Variants in ALG6 observed in about 807,000 individuals in gnomAD.
ALG6 encodes the protein ALG6 alpha-1,3-glucosyltransferase.
ALG6 carries 46 observed loss-of-function variants against 66.6 expected under a neutral mutation model. The ratio of observed to expected loss-of-function variants is 0.69; its 90% CI spans 0.55 to 0.88. ALG6 has a LOEUF of 0.88. Among genes scored for constraint, ALG6 ranks in the 40% least tolerant of loss-of-function variants. ALG6 has a pLI of 0.00. For synonymous variants in ALG6, 185 were observed against 203.7 expected, an observed-to-expected ratio of 0.91 and a Z score of 0.78; for missense variants, 505 against 586.8, an observed-to-expected ratio of 0.86 and a Z score of 1.44.
intron 3 of ALG6, among the ~76,000 whole-genome samples, chr1:63,398,700 C>T (rs956265675): frequency 6.6e-6 from 1 of 152,074 alleles, no homozygotes; most frequent in African/African-American, 2.4e-5. Flanking sequence ...TGGTCTTGAT[C>T]TCCTGACCTC....
chr1:63,429,257 A>G (rs1644633223), intron 14 of ALG6, 131 bp downstream of exon 14: 2 of 700,482 alleles, frequency 2.9e-6, no homozygotes, highest in Non-Finnish European at 4.8e-6. Context: ...AAAGTATACA[A>G]CTTAGTGGTT....
At chr1:63,400,896 A>G (rs1161144195) in intron 3 of ALG6, among the ~76,000 whole-genome samples, 1 of 152,178 alleles carries the variant, frequency 6.6e-6, no homozygotes, top group African/African-American at 2.4e-5. Flanking sequence ...TTTATGCTAT[A>G]TAGTAACATG....
chr1:63,423,387 T>G (rs995859622), intron 12 of ALG6, among the ~76,000 whole-genome samples: 11 of 152,204 alleles, frequency 7.2e-5, no homozygotes, highest in African/African-American at 2.7e-4. Context: ...AAAGTACACA[T>G]AGCATAAATG....
intron 9 of ALG6, 96 bp from the exon 10 acceptor site, chr1:63,413,965 C>A: frequency 1.1e-6 from 1 of 906,552 alleles, no homozygotes; most frequent in Non-Finnish European, 1.8e-6. Context: ...AGTTTCACAT[C>A]TCAAAAAGTT....
intron 11 of ALG6, among the ~76,000 whole-genome samples, chr1:63,418,347 A>C (rs1365625736): frequency 3.3e-5 from 5 of 149,740 alleles, no homozygotes; most frequent in Non-Finnish European, 1.5e-5. Context: ...TTAAATATTA[A>C]AATAGTATTT....
At chr1:63,394,956 C>T (rs1356822883) in intron 2 of ALG6, among the ~76,000 whole-genome samples, 2 of 151,650 alleles carry the variant, frequency 1.3e-5, no homozygotes, top group African/African-American at 2.4e-5. Flanking sequence ...ACCTCCGCCT[C>T]CTGGGTTCAA....
intron 4 of ALG6, 60 bp from the exon 5 acceptor site, chr1:63,404,393 T>A: frequency 7.6e-7 from 1 of 1,321,056 alleles, no homozygotes; most frequent in African/African-American, 1.4e-5. Context: ...TATCCTTCAA[T>A]ATCTTTATTG....
rs541786667 is a variant in ALG6, at chr1:63,381,221, G to A, written c.82+10162G>A. Among the ~76,000 whole-genome samples, 5 of 152,240 alleles carry A rather than the reference G, an allele frequency of 3.3e-5. No individual in the cohort carries two copies. In the South Asian group the frequency reaches 6.2e-4, roughly 19 times the overall value. ...TGTAATCCCAGCACTTTGGGAGGCC[G>A]AGGCAGGCGGATCATGAGGTCAGGA... is the stretch of plus-strand genomic sequence containing the variant. On this transcript the variant is annotated intron_variant, in intron 2 of 14. Transcript: ENST00000263440.
chr1:63,396,415 A>T, intron 2 of ALG6, 98 bp from the exon 3 acceptor site: 1 of 1,021,420 alleles, frequency 9.8e-7, no homozygotes, highest in Non-Finnish European at 1.5e-6. Context: ...TCTGTAACCT[A>T]CACTGCCTCT....
intron 5 of ALG6, among the ~76,000 whole-genome samples, chr1:63,405,412 C>T (rs975568568): frequency 1.3e-5 from 2 of 152,110 alleles, no homozygotes; most frequent in Non-Finnish European, 2.9e-5. Context: ...GAACTTCCAC[C>T]AGTCATTACA....
Position 63,429,031 on chromosome 1 carries a change from A to G in ALG6, c.1231A>G (p.Thr411Ala). The change falls in exon 14 of 15, where the codon ACT becomes GCT. Residue 411 changes from threonine to alanine, a missense_variant. Physicochemically the swap from Thr to Ala is moderately conservative, Grantham distance 58. Coordinates refer to ENST00000263440, the MANE Select transcript of ALG6 (RefSeq NM_013339.4). ...AACTTCCTTTTCAATATTTGAAAAG[A>G]CTTCTGAAGAAGAACTGCAGTTGAA... ...CVTSFSIFEK[T>A]SEEELQLKSF... The G allele has an allele frequency of 6.2e-7, 1 of 1,607,462 alleles. No individual in the cohort carries two copies. The highest frequency in any genetic ancestry group is 8.5e-7 in the Non-Finnish European group (1 of 1,177,518).
chr1:63,394,997 C>G (rs375872048), intron 2 of ALG6, among the ~76,000 whole-genome samples: 2 of 151,886 alleles, frequency 1.3e-5, no homozygotes, highest in African/African-American at 4.8e-5. Flanking sequence ...TCCTGAGTAG[C>G]TGGGATTACA....
In ALG6 at chr1:63,396,774, G is replaced by A. The variant is rs148118050; in HGVS notation, c.167+177G>A. 5.3e-4 allele frequency among the ~76,000 whole-genome samples: 81 copies of A among 152,248 alleles called. 1 individual carries two copies. The highest frequency in any genetic ancestry group is 1.9e-3 in the African/African-American group (77 of 41,550). On this transcript the variant is annotated intron_variant, in intron 3 of 14. Transcript: ENST00000263440. ...CCTGTCTTTGAAATTTGATAGTCCT[G>A]AAAGTTAATTCATATACTTAGTTAG...
rs137976526 is a variant in ALG6 at position 63,376,324 on chromosome 1, ATT to A, written c.82+5266_82+5267del. ...AGTATGATTATCTTATGGGACCATC[ATT>A]GTTTATACAGTTCGTTGTTGACTGA... On this transcript the variant is annotated intron_variant, in intron 2 of 14. Transcript: ENST00000263440. Among the ~76,000 whole-genome samples the A allele has an allele frequency of 7.2e-3, 1,093 of 152,298 alleles. 11 individuals are homozygous for A. The highest frequency in any genetic ancestry group is 0.025 in the African/African-American group (1,058 of 41,554).
chr1:63,426,291 C>G (rs1416825351), intron 12 of ALG6, among the ~76,000 whole-genome samples: 1 of 152,112 alleles, frequency 6.6e-6, no homozygotes, highest in African/African-American at 2.4e-5. Flanking sequence ...AAGGAGGTTA[C>G]TTCCCACCAT....
chr1:63,435,068 G>A (rs3004318), intron 14 of ALG6, among the ~76,000 whole-genome samples: 92,036 of 152,012 alleles, frequency 0.61, 29,622 homozygotes, highest in African/African-American at 0.82. Context: ...CATTATGGAT[G>A]TTTGACTATA....
In ALG6 at chr1:63,428,999, C is replaced by A. The variant is rs1644631564; in HGVS notation, c.1199C>A (p.Ala400Asp). The change falls in exon 14 of 15, where the codon GCT becomes GAT. Residue 400 changes from alanine (A) to aspartate (D), a missense_variant. Ala to Asp is a moderately radical substitution (Grantham distance 126, BLOSUM62 -2). Coordinates refer to ENST00000263440, the MANE Select transcript of ALG6 (RefSeq NM_013339.4). ...GTGACAACAATGGCATTTTTTATAG[C>A]TTGTGTAACTTCCTTTTCAATATTT... Reference protein sequence around the residue: ...SVVTTMAFFIACVTSFSIFEK... With the variant: ...SVVTTMAFFIDCVTSFSIFEK... The A allele has an allele frequency of 6.2e-7, 1 of 1,611,882 alleles. No individual in the cohort carries two copies. The highest frequency in any genetic ancestry group is 1.3e-5 in the African/African-American group (1 of 74,872).
At chr1:63,387,687 G>T (rs1303639777) in intron 2 of ALG6, among the ~76,000 whole-genome samples, 1 of 151,364 alleles carries the variant, frequency 6.6e-6, no homozygotes, top group African/African-American at 2.4e-5. Flanking sequence ...GACTACAGGT[G>T]TGCACCACCA....
intron 14 of ALG6, among the ~76,000 whole-genome samples, chr1:63,431,909 CTACAGTTT>C (rs1373716493): frequency 6.6e-6 from 1 of 151,982 alleles, no homozygotes; most frequent in Non-Finnish European, 1.5e-5. Flanking sequence ...AATGGATTTC[CTACAGTTT>C]TCAATATACA....
Sources: gnomAD v4.1 joint callset for allele counts (sites outside exome capture counted in the v4.1 genomes callset) on GRCh38, gnomAD v4.1.1 for gene constraint, MANE v1.5 for transcripts, NCBI Gene and HGNC (gene_info 2026-07-23, HGNC 2026-07-21) for gene names.